The following SLC14A2 variants were observed in gnomAD, a reference collection of about 807,000 sequenced individuals.
SLC14A2 encodes solute carrier family 14 member 2, also known as urea transporter 2.
A neutral mutation model predicts 104.6 loss-of-function variants in SLC14A2; 91 were observed. That is an observed-to-expected ratio of 0.87 (90% CI 0.73 to 1.04). The LOEUF (loss-of-function observed/expected upper bound fraction) is 1.04, where lower values mean the gene tolerates loss of function less well. Among genes scored for constraint, SLC14A2 ranks in the 50% least tolerant of loss-of-function variants. SLC14A2 has a pLI of 0.00. For synonymous variants in SLC14A2, 476 were observed against 466.4 expected, an observed-to-expected ratio of 1.02 and a Z score of -0.27; for missense variants, 1,189 against 1,156.0, an observed-to-expected ratio of 1.03 and a Z score of -0.41.
intron 1 of SLC14A2, among the ~76,000 whole-genome samples, chr18:45,362,915 C>CT (rs59133403): frequency 0.42 from 64,003 of 151,894 alleles, 14,571 homozygotes; most frequent in African/African-American, 0.59. Context: ...CTCCCCCATG[C>CT]TAGGGACAGA....
the SLC14A2 span, among the ~76,000 whole-genome samples, chr18:45,192,269 T>A: frequency 6.6e-6 from 1 of 152,224 alleles, no homozygotes; most frequent in Non-Finnish European, 1.5e-5. Context: ...GGAAGCCTAA[T>A]TGACATATTA....
rs141945798 is a variant in SLC14A2 at position 45,633,735 on chromosome 18, C to A, written c.650+1257C>A. ...ACATCTCTAAGAAGTAAATGTCTTT[C>A]CTTGGTTTCAAAGTCTGCAGTTACT... On this transcript the variant is annotated intron_variant, in intron 5 of 19. Transcript: ENST00000255226. 2.0e-3 allele frequency among the ~76,000 whole-genome samples: 312 copies of A among 152,330 alleles called. 1 individual carries two copies. The highest frequency in any genetic ancestry group is 7.0e-3 in the African/African-American group (289 of 41,578).
chr18:45,503,286 G>C (rs190422986), intron 2 of SLC14A2, among the ~76,000 whole-genome samples: 1 of 152,188 alleles, frequency 6.6e-6, no homozygotes, highest in Admixed American at 6.5e-5. Flanking sequence ...AACAGGCTAT[G>C]GTGGGCTTCA....
chr18:45,573,222 C>CTGA (rs1287997539), intron 2 of SLC14A2, among the ~76,000 whole-genome samples: 1 of 152,160 alleles, frequency 6.6e-6, no homozygotes, highest in Non-Finnish European at 1.5e-5. Context: ...GGACTGGGTC[C>CTGA]TGATAACTGC....
chr18:45,475,641 GGATATATATATATATATATATAT>G (rs2087352583), intron 1 of SLC14A2, among the ~76,000 whole-genome samples: 4 of 11,650 alleles, frequency 3.4e-4, no homozygotes, highest in Admixed American at 1.4e-3. Context: ...TATATATTTA[GGATATATATATATATATATATAT>G]ATATATATAT....
At chr18:45,463,459 C>T (rs1316638044) in intron 1 of SLC14A2, among the ~76,000 whole-genome samples, 1 of 152,190 alleles carries the variant, frequency 6.6e-6, no homozygotes, top group African/African-American at 2.4e-5. Flanking sequence ...ATCTCATGCA[C>T]TGTAGATGCT....
intron 2 of SLC14A2, among the ~76,000 whole-genome samples, chr18:45,517,364 G>A (rs188358607): frequency 5.5e-4 from 83 of 152,248 alleles, no homozygotes; most frequent in African/African-American, 1.9e-3. Context: ...GCCCCAGCCA[G>A]GCTGACCTCA....
chr18:45,669,174 C>T, intron 15 of SLC14A2, 132 bp from the exon 16 acceptor site: 1 of 717,510 alleles, frequency 1.4e-6, no homozygotes, highest in Non-Finnish European at 2.3e-6. Context: ...CTGCTCAGGG[C>T]CAGTCAGGCT....
intron 2 of SLC14A2, chr18:45,527,845 T>C (rs2043618026): frequency 6.6e-6 from 1 of 152,206 alleles, no homozygotes; most frequent in Non-Finnish European, 1.5e-5. Context: ...CTATGCACAA[T>C]TTCTCTCCTA....
At chr18:45,318,986 C>A (rs772089498) in intron 1 of SLC14A2, among the ~76,000 whole-genome samples, 1 of 152,092 alleles carries the variant, frequency 6.6e-6, no homozygotes, top group Non-Finnish European at 1.5e-5. Flanking sequence ...TGAATCAGAT[C>A]CAGCTCAGAG....
rs118066544 is a variant in SLC14A2, at chr18:45,539,514, A to G, written c.-35+56192A>G. Among the ~76,000 whole-genome samples, 113 of 152,304 alleles carry G rather than the reference A, an allele frequency of 7.4e-4. No individual in the cohort carries two copies. In the East Asian group the frequency reaches 0.017, roughly 23 times the overall value. ...GTCTTAGAGCTGAGGATCAGATCAA[A>G]TCCAGACCCTGCCTCTAGCCCCATG... On this transcript the variant is annotated intron_variant, in intron 2 of 20. Coordinates refer to the SLC14A2 transcript ENST00000586448.
intron 1 of SLC14A2, among the ~76,000 whole-genome samples, chr18:45,267,141 A>G (rs1454477324): frequency 6.6e-6 from 1 of 152,142 alleles, no homozygotes; most frequent in Non-Finnish European, 1.5e-5. Flanking sequence ...CAATTCAAAA[A>G]ATTCTGACAA....
intron 1 of SLC14A2, among the ~76,000 whole-genome samples, chr18:45,320,719 C>A (rs62090676): frequency 0.24 from 35,776 of 152,052 alleles, 4,287 homozygotes; most frequent in South Asian, 0.28. Context: ...TTGCTATCAT[C>A]AGATAAGAAA....
At chr18:45,272,662 A>T (rs559875193) in intron 1 of SLC14A2, among the ~76,000 whole-genome samples, 18 of 152,270 alleles carry the variant, frequency 1.2e-4, no homozygotes, top group African/African-American at 3.8e-4. Context: ...TACAAAAAAT[A>T]GAATGAATGA....
chr18:45,384,942 G>A (rs2085878533), intron 1 of SLC14A2, among the ~76,000 whole-genome samples: 2 of 152,226 alleles, frequency 1.3e-5, no homozygotes, highest in African/African-American at 4.8e-5. Flanking sequence ...GCACCTTCAA[G>A]TAAAGATGAA....
At chr18:45,255,872 G>A (rs923632234) in intron 1 of SLC14A2, among the ~76,000 whole-genome samples, 4 of 152,108 alleles carry the variant, frequency 2.6e-5, no homozygotes, top group Admixed American at 6.5e-5. Flanking sequence ...CAGCTCCTCC[G>A]CCCTTTACCT....
intron 1 of SLC14A2, among the ~76,000 whole-genome samples, chr18:45,385,627 T>C (rs1436713215): frequency 6.6e-6 from 1 of 152,318 alleles, no homozygotes; most frequent in East Asian, 1.9e-4. Flanking sequence ...TAGTACATGG[T>C]TGCCACCACT....
intron 1 of SLC14A2, among the ~76,000 whole-genome samples, chr18:45,304,887 C>A (rs1047130321): frequency 6.6e-6 from 1 of 152,214 alleles, no homozygotes; most frequent in Admixed American, 6.5e-5. Flanking sequence ...GAATGAGGGG[C>A]AACTCTTCTT....
chr18:45,634,818 G>C (rs2045393416), intron 5 of SLC14A2: 1 of 457,156 alleles, frequency 2.2e-6, no homozygotes. Flanking sequence ...CACTCTGTTT[G>C]CAGGATGGAG....
Sources: gnomAD v4.1 joint callset for allele counts (sites outside exome capture counted in the v4.1 genomes callset) on GRCh38, gnomAD v4.1.1 for gene constraint, MANE v1.5 for transcripts, NCBI Gene and HGNC (gene_info 2026-07-23, HGNC 2026-07-21) for gene names.